The following ESRRG variants were observed in gnomAD, a reference collection of about 807,000 sequenced individuals.
ESRRG encodes estrogen related receptor gamma.
Under a neutral mutation model 44.0 loss-of-function variants are expected in ESRRG, and 13 were observed. That is an observed-to-expected ratio of 0.30 (90% CI 0.19 to 0.47). ESRRG has a LOEUF of 0.47. Ranked by LOEUF, ESRRG falls within the 20% of genes least tolerant of loss-of-function variation. The pLI is 1.00. For synonymous variants in ESRRG, 215 were observed against 214.6 expected, an observed-to-expected ratio of 1.00 and a Z score of -0.02; for missense variants, 395 against 580.6, an observed-to-expected ratio of 0.68 and a Z score of 3.29.
chr1:216,866,994 A>G (rs1430599735), intron 2 of ESRRG, among the ~76,000 whole-genome samples: 2 of 152,230 alleles, frequency 1.3e-5, no homozygotes, highest in African/African-American at 4.8e-5. Context: ...TCAAACTATG[A>G]AATGATGAAA....
chr1:217,003,013 A>G (rs1223688652), intron 1 of ESRRG, among the ~76,000 whole-genome samples: 1 of 152,222 alleles, frequency 6.6e-6, no homozygotes, highest in Non-Finnish European at 1.5e-5. Flanking sequence ...GATAACTGTT[A>G]TATTCCAAAT....
chr1:217,102,898 C>G (rs996071046), intron 1 of ESRRG, among the ~76,000 whole-genome samples: 1 of 152,066 alleles, frequency 6.6e-6, no homozygotes, highest in Non-Finnish European at 1.5e-5. Context: ...GAAGGCTAAG[C>G]ACAAGCTGAG....
At chr1:217,021,810 T>C (rs2080368781) in intron 1 of ESRRG, among the ~76,000 whole-genome samples, 1 of 152,326 alleles carries the variant, frequency 6.6e-6, no homozygotes, top group African/African-American at 2.4e-5. Flanking sequence ...CTTTGTGCAA[T>C]ATTGTTCCTT....
At chr1:217,036,198 T>C (rs1268160803) in intron 1 of ESRRG, among the ~76,000 whole-genome samples, 3 of 152,176 alleles carry the variant, frequency 2.0e-5, no homozygotes, top group Non-Finnish European at 4.4e-5. Flanking sequence ...AGGAAATGCT[T>C]ATACACTGTT....
At chr1:216,570,273 T>C (rs1224557459) in intron 3 of ESRRG, among the ~76,000 whole-genome samples, 1 of 152,092 alleles carries the variant, frequency 6.6e-6, no homozygotes, top group Non-Finnish European at 1.5e-5. Flanking sequence ...AAAAGTTAGG[T>C]AAGGTTATTA....
At chr1:217,027,292 ATCT>A (rs1278986339) in intron 1 of ESRRG, among the ~76,000 whole-genome samples, 1 of 152,138 alleles carries the variant, frequency 6.6e-6, no homozygotes, top group Non-Finnish European at 1.5e-5. Flanking sequence ...ATAGTCACTA[ATCT>A]TCTGCTCAAT....
At chr1:216,886,989 C>T (rs776159908) in intron 2 of ESRRG, among the ~76,000 whole-genome samples, 3 of 152,148 alleles carry the variant, frequency 2.0e-5, no homozygotes, top group Non-Finnish European at 2.9e-5. Context: ...CCACCCGCCT[C>T]GGTCTCCCAA....
chr1:217,026,910 CACAGAGAGAGAGAGAGAG>C (rs1226771705), intron 1 of ESRRG, among the ~76,000 whole-genome samples: 1 of 97,190 alleles, frequency 1.0e-5, no homozygotes, highest in East Asian at 2.9e-4. Context: ...CACACACACA[CACAGAGAGAGAGAGAGAG>C]AGAGAGAGAG....
intron 3 of ESRRG, among the ~76,000 whole-genome samples, chr1:216,646,838 AC>A (rs749631462): frequency 2.0e-5 from 3 of 152,126 alleles, no homozygotes; most frequent in Non-Finnish European, 2.9e-5. Context: ...TTTCACCTAC[AC>A]TTTGGCATGC....
At chr1:216,789,028 A>G (rs537166854) in intron 2 of ESRRG, among the ~76,000 whole-genome samples, 17 of 152,130 alleles carry the variant, frequency 1.1e-4, no homozygotes, top group Non-Finnish European at 2.4e-4. Flanking sequence ...TTGAGATGGA[A>G]TCTACTTCTT....
At chr1:216,586,051 A>G in intron 3 of ESRRG, among the ~76,000 whole-genome samples, 1 of 46,368 alleles carries the variant, frequency 2.2e-5, no homozygotes, top group South Asian at 4.7e-4. Context: ...AAATAAATAA[A>G]TTAATTAATA....
intron 1 of ESRRG, among the ~76,000 whole-genome samples, chr1:216,717,135 A>G (rs887953204): frequency 1.3e-5 from 2 of 151,922 alleles, no homozygotes; most frequent in Non-Finnish European, 1.5e-5. Flanking sequence ...ACACACATAT[A>G]TACAACACTC....
chr1:216,917,965 G>A (rs528578487), intron 2 of ESRRG, among the ~76,000 whole-genome samples: 8 of 152,142 alleles, frequency 5.3e-5, no homozygotes, highest in Middle Eastern at 3.4e-3. Flanking sequence ...AAACTCAGGC[G>A]CACTATAAGA....
intron 1 of ESRRG, among the ~76,000 whole-genome samples, chr1:217,055,174 T>A (rs1444183682): frequency 6.6e-6 from 1 of 152,082 alleles, no homozygotes; most frequent in African/African-American, 2.4e-5. Context: ...CTTTTTTTCA[T>A]GCATGATGAG....
chr1:217,086,600 GC>G (rs2092096937), intron 1 of ESRRG, among the ~76,000 whole-genome samples: 1 of 152,254 alleles, frequency 6.6e-6, no homozygotes, highest in African/African-American at 2.4e-5. Flanking sequence ...CCAATTTAAA[GC>G]CATAAAAATA....
At chr1:216,593,027 T>G (rs970248595) in intron 3 of ESRRG, among the ~76,000 whole-genome samples, 4 of 152,228 alleles carry the variant, frequency 2.6e-5, no homozygotes, top group African/African-American at 9.6e-5. Context: ...ACATCAGTAC[T>G]ACACAGCTGT....
chr1:216,911,118 C>G (rs887806165), intron 2 of ESRRG, among the ~76,000 whole-genome samples: 1 of 152,088 alleles, frequency 6.6e-6, no homozygotes, highest in Admixed American at 6.6e-5. Flanking sequence ...AGGAAAAAAG[C>G]TTGGCAAAAG....
At chr1:216,910,969 A>C (rs900381479) in intron 2 of ESRRG, among the ~76,000 whole-genome samples, 3 of 152,172 alleles carry the variant, frequency 2.0e-5, no homozygotes, top group Admixed American at 6.5e-5. Context: ...CTGTTACTTT[A>C]GTTTATTAGT....
chr1:216,710,586 C>G (rs1292478653), intron 1 of ESRRG, among the ~76,000 whole-genome samples: 1 of 152,150 alleles, frequency 6.6e-6, no homozygotes, highest in Non-Finnish European at 1.5e-5. Context: ...ATGTGAGTCA[C>G]TACTTTGAGT....
Sources: gnomAD v4.1 joint callset for allele counts (sites outside exome capture counted in the v4.1 genomes callset) on GRCh38, gnomAD v4.1.1 for gene constraint, MANE v1.5 for transcripts, NCBI Gene and HGNC (gene_info 2026-07-23, HGNC 2026-07-21) for gene names.